Variants in NAV3 observed in about 807,000 individuals in gnomAD.
The protein encoded by NAV3 is neuron navigator 3, also known as pore membrane and/or filament interacting like protein 1.
NAV3 carries 87 observed loss-of-function variants against 244.7 expected under a neutral mutation model. That is an observed-to-expected ratio of 0.36 (90% CI 0.30 to 0.42). NAV3 has a LOEUF of 0.42. NAV3 is among the 20% of genes least tolerant of loss of function. The pLI is 1.00. For synonymous variants in NAV3, 1,126 were observed against 1,042.2 expected (o/e 1.08, Z -1.55); for missense variants, 2,663 against 2,893.3 (o/e 0.92, Z 1.83).
chr12:78,079,058 A>G (rs1290908480), intron 12 of NAV3, among the ~76,000 whole-genome samples: 2 of 152,176 alleles, frequency 1.3e-5, no homozygotes, highest in Non-Finnish European at 2.9e-5. Context: ...AGCACTCAGA[A>G]TTGACTCCAA....
intron 9 of NAV3, among the ~76,000 whole-genome samples, chr12:78,046,971 C>A (rs1195877915): frequency 2.0e-5 from 3 of 152,108 alleles, no homozygotes; most frequent in African/African-American, 7.2e-5. Flanking sequence ...CATTGATCCC[C>A]TTACCATTAT....
intron 1 of NAV3, among the ~76,000 whole-genome samples, chr12:77,939,407 ACTTT>A (rs1889648865): frequency 6.6e-6 from 1 of 152,032 alleles, no homozygotes; most frequent in Admixed American, 6.6e-5. Flanking sequence ...CGTATTTCTT[ACTTT>A]CTTTCTTCTA....
Position 78,007,241 on chromosome 12 carries a change from C to T in NAV3, c.1703C>T (p.Pro568Leu), listed in dbSNP as rs774323819. 1.9e-6 allele frequency: 3 copies of T among 1,614,186 alleles called. No homozygotes were observed. The East Asian group carries it at 6.7e-5, about 36-fold the overall frequency. Residue 568 changes from proline to leucine, a missense_variant, in exon 8 of 40, where the codon CCT becomes CTT. Around this residue, in one of 6 missense-constraint regions of NAV3, gnomAD observed 1,521 missense variants for 1,497.0 expected, o/e 1.02. Coordinates refer to ENST00000397909, the MANE Select transcript of NAV3 (RefSeq NM_001024383.2). The stretch of plus-strand genomic sequence containing the variant: ...AGCCCTTCCCAGTCCTTATCTAAGC[C>T]TATAACCATGGAGAAAGCAAGTGCT... ...KGSPSQSLSKPITMEKASASS... is the reference protein window; with the variant it reads ...KGSPSQSLSKLITMEKASASS...
At chr12:78,141,455 G>A (rs893924032) in intron 20 of NAV3, among the ~76,000 whole-genome samples, 2 of 152,134 alleles carry the variant, frequency 1.3e-5, no homozygotes, top group East Asian at 3.9e-4. Context: ...TGTACTGTAA[G>A]GTTCATGAAG....
intron 2 of NAV3, among the ~76,000 whole-genome samples, chr12:77,785,119 G>T (rs554725995): frequency 6.6e-6 from 1 of 152,248 alleles, no homozygotes; most frequent in East Asian, 1.9e-4. Flanking sequence ...TGGAGGTTCA[G>T]ACTTGGAAAA....
At chr12:77,638,075 CTA>C (rs1340686720) in intron 2 of NAV3, among the ~76,000 whole-genome samples, 1 of 151,160 alleles carries the variant, frequency 6.6e-6, no homozygotes. Context: ...TGTTTCTTGT[CTA>C]TAGGGATTTC....
chr12:78,109,419 A>G (rs760087843), intron 12 of NAV3, among the ~76,000 whole-genome samples: 1 of 152,034 alleles, frequency 6.6e-6, no homozygotes, highest in Non-Finnish European at 1.5e-5. Flanking sequence ...ACAATAAATC[A>G]GAGGAAGGAA....
At chr12:77,732,362 T>C (rs1207339596) in intron 2 of NAV3, among the ~76,000 whole-genome samples, 1 of 151,938 alleles carries the variant, frequency 6.6e-6, no homozygotes, top group Non-Finnish European at 1.5e-5. Flanking sequence ...AAAATTCCTA[T>C]ACAGAGGGAG....
chr12:77,663,900 A>G (rs974040248), intron 2 of NAV3, among the ~76,000 whole-genome samples: 1 of 152,238 alleles, frequency 6.6e-6, no homozygotes, highest in Admixed American at 6.5e-5. Flanking sequence ...ATGTAGATAT[A>G]TATGTGTACA....
At chr12:77,761,133 A>C (rs1261309094) in intron 2 of NAV3, among the ~76,000 whole-genome samples, 1 of 152,124 alleles carries the variant, frequency 6.6e-6, no homozygotes, top group East Asian at 1.9e-4. Context: ...ATCTCGGCTC[A>C]CTGCAACCTC....
intron 1 of NAV3, among the ~76,000 whole-genome samples, chr12:77,926,437 T>C (rs1482867088): frequency 6.6e-6 from 1 of 152,086 alleles, no homozygotes; most frequent in East Asian, 1.9e-4. Flanking sequence ...CAAGAGAGGC[T>C]TGGGAGGTAA....
chr12:78,153,693 A>C (rs1163750512), intron 22 of NAV3, among the ~76,000 whole-genome samples: 1 of 152,066 alleles, frequency 6.6e-6, no homozygotes, highest in Non-Finnish European at 1.5e-5. Context: ...TTACTGAATG[A>C]ATGTGTAAGA....
chr12:77,961,042 A>G (rs1277848980), intron 3 of NAV3, among the ~76,000 whole-genome samples: 1 of 132,262 alleles, frequency 7.6e-6, no homozygotes, highest in Non-Finnish European at 1.6e-5. Flanking sequence ...GCATATATGT[A>G]TATATGTATA....
chr12:77,578,337 C>G (rs775606284), intron 2 of NAV3, among the ~76,000 whole-genome samples: 5 of 151,898 alleles, frequency 3.3e-5, no homozygotes, highest in Non-Finnish European at 5.9e-5. Context: ...GCCCTACAGA[C>G]AGTTTCTGAG....
chr12:78,094,125 C>A (rs1954109421), intron 12 of NAV3, among the ~76,000 whole-genome samples: 1 of 152,168 alleles, frequency 6.6e-6, no homozygotes, highest in Admixed American at 6.6e-5. Context: ...CAGGCATGCA[C>A]CACCATGTCT....
intron 1 of NAV3, among the ~76,000 whole-genome samples, chr12:77,832,758 C>T (rs901916506): frequency 5.9e-5 from 9 of 151,792 alleles, no homozygotes; most frequent in Middle Eastern, 3.2e-3. Flanking sequence ...TACTCATTAA[C>T]GATCCACACT....
At chr12:77,814,988 T>G (rs945313586) in intron 2 of NAV3, among the ~76,000 whole-genome samples, 2 of 152,148 alleles carry the variant, frequency 1.3e-5, no homozygotes, top group Admixed American at 1.3e-4. Flanking sequence ...TGGAGGAATC[T>G]TGGAAAACTG....
At chr12:77,738,271 T>A in intron 2 of NAV3, among the ~76,000 whole-genome samples, 1 of 152,302 alleles carries the variant, frequency 6.6e-6, no homozygotes, top group East Asian at 1.9e-4. Flanking sequence ...AATCAGTTAG[T>A]GGAGTGAAAA....
At chr12:78,034,204 T>C (rs564492695) in intron 9 of NAV3, among the ~76,000 whole-genome samples, 1 of 152,332 alleles carries the variant, frequency 6.6e-6, no homozygotes, top group African/African-American at 2.4e-5. Context: ...GCAACATCAC[T>C]GGCCACTTCC....
Sources: gnomAD v4.1 joint callset for allele counts (sites outside exome capture counted in the v4.1 genomes callset) on GRCh38, gnomAD v4.1.1 for gene constraint, gnomAD v4.1.1 regional missense constraint, MANE v1.5 for transcripts, NCBI Gene and HGNC (gene_info 2026-07-23, HGNC 2026-07-21) for gene names.